Variants in SHISA9 observed in about 807,000 individuals in gnomAD.
The protein encoded by SHISA9 is shisa family member 9.
In SHISA9, 13 loss-of-function variants were observed where a neutral mutation model predicts 38.0. The ratio of observed to expected loss-of-function variants is 0.34; its 90% CI spans 0.22 to 0.54. The LOEUF (loss-of-function observed/expected upper bound fraction) is 0.54. SHISA9 is among the 20% of genes least tolerant of loss of function. The pLI is 0.91. For synonymous variants in SHISA9, 275 were observed against 242.0 expected, an observed-to-expected ratio of 1.14 and a Z score of -1.27; for missense variants, 538 against 575.8, an observed-to-expected ratio of 0.93 and a Z score of 0.67.
rs78861987 is a variant in SHISA9, at chr16:13,174,853, A to G, written c.692-28541A>G. 3.3e-3 allele frequency among the ~76,000 whole-genome samples: 507 copies of G among 152,318 alleles called. 1 individual carries two copies. Among genetic ancestry groups the G allele is most frequent in the Non-Finnish European group, 5.7e-3 (386 of 68,016 alleles). ...CAAGGCAGCTCTGAGATAGAAAAAG[A>G]AAGACTCCTTATGTGGGGAAAGGGT... On this transcript the variant is annotated intron_variant, in intron 2 of 4. Transcript: ENST00000558583.
chr16:13,530,363 A>G, the SHISA9 span, among the ~76,000 whole-genome samples: 1 of 152,198 alleles, frequency 6.6e-6, no homozygotes, highest in Admixed American at 6.5e-5. Context: ...TAGGGAGATT[A>G]CTTGATCTCC....
the SHISA9 span, among the ~76,000 whole-genome samples, chr16:13,432,223 T>G: frequency 6.6e-6 from 1 of 152,354 alleles, no homozygotes; most frequent in East Asian, 1.9e-4. Context: ...ATTCCTCTTA[T>G]CTGTACACTT....
chr16:13,453,215 G>C, the SHISA9 span, among the ~76,000 whole-genome samples: 1 of 152,090 alleles, frequency 6.6e-6, no homozygotes, highest in Non-Finnish European at 1.5e-5. Flanking sequence ...CATCCCCAGG[G>C]AAAACCGTTT....
chr16:13,064,520 T>C (rs536708896), intron 2 of SHISA9, among the ~76,000 whole-genome samples: 1 of 152,244 alleles, frequency 6.6e-6, no homozygotes, highest in African/African-American at 2.4e-5. Flanking sequence ...TCCTTCAGCA[T>C]ATCAAAGTCA....
At chr16:13,382,530 C>CA in the SHISA9 span, among the ~76,000 whole-genome samples, 2,704 of 48,604 alleles carry the variant, frequency 0.056, 52 homozygotes, top group Middle Eastern at 0.1. Context: ...AACTCCATCT[C>CA]AAAAAAAAAA....
At chr16:13,035,357 T>C (rs1359791156) in intron 2 of SHISA9, among the ~76,000 whole-genome samples, 1 of 152,110 alleles carries the variant, frequency 6.6e-6, no homozygotes, top group Non-Finnish European at 1.5e-5. Flanking sequence ...TGAGAAAACA[T>C]GGCAGGTCTT....
chr16:13,109,264 A>G (rs1437818784), intron 2 of SHISA9, among the ~76,000 whole-genome samples: 2 of 152,136 alleles, frequency 1.3e-5, no homozygotes, highest in Non-Finnish European at 2.9e-5. Context: ...GGGCTCAAGC[A>G]ATCCTCCCAC....
chr16:12,907,627 G>T (rs928383590), intron 1 of SHISA9, among the ~76,000 whole-genome samples: 1 of 152,122 alleles, frequency 6.6e-6, no homozygotes, highest in Admixed American at 6.6e-5. Context: ...GTCTTTCAGA[G>T]CTTGGTTTTG....
chr16:13,378,043 C>T, the SHISA9 span, among the ~76,000 whole-genome samples: 1 of 152,016 alleles, frequency 6.6e-6, no homozygotes, highest in East Asian at 1.9e-4. Flanking sequence ...AACAACACCA[C>T]CAACAAAAAT....
intron 2 of SHISA9, among the ~76,000 whole-genome samples, chr16:13,025,926 C>T (rs2072915421): frequency 6.6e-6 from 1 of 152,048 alleles, no homozygotes; most frequent in South Asian, 2.1e-4. Flanking sequence ...CTGCCTCAGC[C>T]TCCTGAGTAG....
chr16:13,161,105 T>G (rs1395153369), intron 2 of SHISA9, among the ~76,000 whole-genome samples: 1 of 152,136 alleles, frequency 6.6e-6, no homozygotes. Context: ...CCGTGGAAAT[T>G]CTCACTTTTC....
the SHISA9 span, among the ~76,000 whole-genome samples, chr16:13,335,689 G>A: frequency 4.6e-5 from 7 of 152,214 alleles, no homozygotes; most frequent in South Asian, 1.0e-3. Flanking sequence ...CAACCTCTCA[G>A]GCTCTGTTAT....
At chr16:13,406,647 A>G in the SHISA9 span, among the ~76,000 whole-genome samples, 1 of 152,256 alleles carries the variant, frequency 6.6e-6, no homozygotes, top group African/African-American at 2.4e-5. Context: ...AGGCTGTCAC[A>G]TAGTGTAAGG....
the SHISA9 span, among the ~76,000 whole-genome samples, chr16:13,409,501 C>A: frequency 1.3e-5 from 2 of 152,372 alleles, no homozygotes; most frequent in South Asian, 4.1e-4. Flanking sequence ...GCATGCTCCA[C>A]CTCCTGTAAC....
At chr16:13,240,709 G>T (rs1008303981), downstream of SHISA9, among the ~76,000 whole-genome samples, 1 of 152,090 alleles carries the variant, frequency 6.6e-6, no homozygotes. Flanking sequence ...TATTCTTAAT[G>T]GTCAAGAATC....
intron 3 of SHISA9, among the ~76,000 whole-genome samples, chr16:13,205,842 A>G (rs2051058377): frequency 1.3e-5 from 2 of 152,102 alleles, no homozygotes; most frequent in African/African-American, 4.8e-5. Context: ...GTTCACTGCA[A>G]CATCCGTCTC....
the SHISA9 span, among the ~76,000 whole-genome samples, chr16:13,391,524 C>A: frequency 6.6e-6 from 1 of 152,202 alleles, no homozygotes. Context: ...CATCTGCAGT[C>A]AATATGCATT....
At chr16:12,968,522 C>T (rs1157219362) in intron 2 of SHISA9, among the ~76,000 whole-genome samples, 1 of 152,200 alleles carries the variant, frequency 6.6e-6, no homozygotes, top group Non-Finnish European at 1.5e-5. Flanking sequence ...AAATATCCAT[C>T]AATGGCTGAA....
chr16:13,446,164 C>G, the SHISA9 span, among the ~76,000 whole-genome samples: 3 of 152,078 alleles, frequency 2.0e-5, no homozygotes, highest in African/African-American at 7.2e-5. Context: ...CCAGGATGGT[C>G]TCGGTCTCCT....
Sources: gnomAD v4.1 joint callset for allele counts (sites outside exome capture counted in the v4.1 genomes callset) on GRCh38, gnomAD v4.1.1 for gene constraint, MANE v1.5 for transcripts, NCBI Gene and HGNC (gene_info 2026-07-23, HGNC 2026-07-21) for gene names.